Variants in GSDME observed in about 807,000 individuals in gnomAD.
GSDME encodes gasdermin E.
A neutral mutation model predicts 47.5 loss-of-function variants in GSDME; 44 were observed. The observed-to-expected ratio is 0.93, with a 90% CI of 0.73 to 1.19. GSDME has a LOEUF of 1.19. GSDME is among the 50% of genes most tolerant of loss of function. GSDME has a pLI of 0.00. For missense variants in GSDME, 663 were observed against 604.2 expected, an observed-to-expected ratio of 1.10 and a Z score of -1.02; for synonymous variants, 258 against 252.8, an observed-to-expected ratio of 1.02 and a Z score of -0.20.
intron 3 of GSDME, among the ~76,000 whole-genome samples, chr7:24,743,546 C>T (rs1790553976): frequency 6.6e-6 from 1 of 152,166 alleles, no homozygotes; most frequent in South Asian, 2.1e-4. Flanking sequence ...CAGATTACGC[C>T]CCTTCCCTGC....
At position 24,719,155 on chromosome 7, in the gene GSDME, G is replaced by C. The variant is rs143907715; in HGVS notation, c.468C>G (p.Cys156Trp). ...QVLEGRNEVL[C>W]VLTQKITTMQ... ...TCGTCGTGATCTTCTGTGTCAAAAC[G>C]CACAGGACCTCATTCCTTCCTTCCA... Residue 156 changes from cysteine (C) to tryptophan (W), a missense_variant, in exon 4 of 10, where the codon TGC (cysteine) becomes TGG (tryptophan). Physicochemically the swap from Cys to Trp is radical, Grantham distance 215. Coordinates refer to ENST00000645220, the MANE Select transcript of GSDME (RefSeq NM_001127453.2). 7 of 1,613,792 alleles carry C rather than the reference G, an allele frequency of 4.3e-6. No individual in the cohort carries two copies. Among genetic ancestry groups the C allele is most frequent in the Non-Finnish European group, 5.1e-6 (6 of 1,180,020 alleles).
In GSDME at chr7:24,735,503, T is replaced by TC; in HGVS notation, c.404+9058dup. On this transcript the variant is annotated intron_variant, in intron 3 of 9. Coordinates refer to ENST00000645220, the MANE Select transcript of GSDME (RefSeq NM_001127453.2). This position sits in a 1 kb window ranked among gnomAD's most constrained non-coding sequence, Gnocchi z 4.4. ...CGGGCACAGTGGCTCACGCCTGTAA[T>TC]CCCAGCAGTTTGGGAGGCCGAGGTG... 6.6e-6 allele frequency among the ~76,000 whole-genome samples: 1 copy of TC among 152,208 alleles called. No homozygotes were observed. The highest frequency in any genetic ancestry group is 1.5e-5 in the Non-Finnish European group (1 of 68,012).
Position 24,725,485 on chromosome 7 carries a change from G to A in GSDME, c.405-6267C>T, listed in dbSNP as rs566974684. Among the ~76,000 whole-genome samples the A allele has an allele frequency of 2.6e-5, 4 of 152,144 alleles. No homozygotes were observed. The highest frequency in any genetic ancestry group is 4.4e-5 in the Non-Finnish European group (3 of 68,024). ...AGTTAAACAAGGAAGGGGTTTATTC[G>A]GCCGGGAGCGTCGGCAAGACTCCTG... On this transcript the variant is annotated intron_variant, in intron 3 of 9. Coordinates refer to ENST00000645220, the MANE Select transcript of GSDME (RefSeq NM_001127453.2). This position sits in a 1 kb window ranked among gnomAD's most constrained non-coding sequence, Gnocchi z 5.1.
At chr7:24,772,215 T>C in the GSDME span, among the ~76,000 whole-genome samples, 7 of 152,300 alleles carry the variant, frequency 4.6e-5, no homozygotes, top group South Asian at 2.1e-4. The surrounding 1 kb of genome is among the most constrained non-coding windows in gnomAD (Gnocchi z 4.5). Flanking sequence ...GTGCCTTCCA[T>C]AGGGGCTGAA....
In GSDME at chr7:24,744,657, C is replaced by CA. The variant is rs1407705000; in HGVS notation, c.308dup (p.Ser106GlnfsTer48). 2 of 1,614,196 alleles carry CA rather than the reference C, an allele frequency of 1.2e-6. No homozygotes were observed. The highest frequency in any genetic ancestry group is 1.7e-6 in the Non-Finnish European group (2 of 1,180,046). On this transcript the variant is annotated frameshift_variant, in exon 3 of 10. Coordinates refer to ENST00000645220, the MANE Select transcript of GSDME (RefSeq NM_001127453.2). LOFTEE classifies it high-confidence loss of function. This position sits in a 1 kb window ranked among gnomAD's most constrained non-coding sequence, Gnocchi z 4.5. Reference sequence around the variant, plus strand: ...GGCTCTCTACGCGGCTGCTGCCCCCCAGGTTCAGCTTGACCTTCCCCAGTG... The same window carrying CA: ...GGCTCTCTACGCGGCTGCTGCCCCCCAAGGTTCAGCTTGACCTTCCCCAGTG...
Position 24,744,140 on chromosome 7 carries a change from A to T in GSDME, c.404+422T>A, listed in dbSNP as rs1046220788. The T allele has an allele frequency of 6.6e-5, 15 of 225,910 alleles. No homozygotes were observed. Among genetic ancestry groups the T allele is most frequent in the Non-Finnish European group, 9.7e-5 (11 of 113,406 alleles). The allele number at this position is 225,910 out of a possible 1,614,324, so 14.0% of individuals were successfully genotyped here. A position where few individuals can be genotyped will look rare whatever the true frequency, so the allele number is the denominator to read the frequency against. On this transcript the variant is annotated intron_variant, in intron 3 of 9. Transcript: ENST00000645220. This position sits in a 1 kb window ranked among gnomAD's most constrained non-coding sequence, Gnocchi z 4.5. ...CTTCAAGACTTCAAAGACTGAAAAGAGCTCTTATTTTTGAACTTTTTTACG... is the reference window on the plus strand; with the variant it reads ...CTTCAAGACTTCAAAGACTGAAAAGTGCTCTTATTTTTGAACTTTTTTACG...
chr7:24,729,282 T>G (rs1327823336), intron 3 of GSDME, among the ~76,000 whole-genome samples: 1 of 152,250 alleles, frequency 6.6e-6, no homozygotes. Context: ...AATCATGTGT[T>G]TAGTGAACTT....
rs1178468139 is a variant in GSDME at position 24,699,262 on chromosome 7, G to C, written c.1258-3C>G. The C allele has an allele frequency of 7.5e-6, 12 of 1,593,230 alleles. No homozygotes were observed. The Admixed American group carries it at 8.3e-5, about 11-fold the overall frequency. On this transcript the variant is annotated splice_polypyrimidine_tract_variant and splice_region_variant and intron_variant, in intron 9 of 9. Coordinates refer to ENST00000645220, the MANE Select transcript of GSDME (RefSeq NM_001127453.2). ...CCATCATCAGACAGAGCACGAAGCT[G>C]AAATGACACATTTAAACAAATTCAC...
intron 3 of GSDME, among the ~76,000 whole-genome samples, chr7:24,740,425 A>G (rs982750014): frequency 2.6e-5 from 4 of 151,986 alleles, no homozygotes; most frequent in African/African-American, 9.7e-5. Context: ...TGATAGCATA[A>G]CTTTAGGACA....
Position 24,733,695 on chromosome 7 carries a change from G to T in GSDME, c.404+10867C>A, listed in dbSNP as rs1271674727. 6.6e-6 allele frequency among the ~76,000 whole-genome samples: 1 copy of T among 152,140 alleles called. No individual in the cohort carries two copies. ...GGACATGGGTGAGAGTCCTCTGCCTGGGGAAAGGAGAGGGAAGAGTGAAGG... is the reference window on the plus strand; with the variant it reads ...GGACATGGGTGAGAGTCCTCTGCCTTGGGAAAGGAGAGGGAAGAGTGAAGG... On this transcript the variant is annotated intron_variant, in intron 3 of 9. Transcript: ENST00000645220. The surrounding 1 kb of genome is among the most constrained non-coding windows in gnomAD (Gnocchi z 4.3).
rs1049759797 is a variant in GSDME, at chr7:24,712,074, A to G, written c.698-1686T>C. Among the ~76,000 whole-genome samples, 2 of 152,190 alleles carry G rather than the reference A, an allele frequency of 1.3e-5. No individual in the cohort carries two copies. The highest frequency in any genetic ancestry group is 2.9e-5 in the Non-Finnish European group (2 of 68,040). On this transcript the variant is annotated intron_variant, in intron 5 of 9. Transcript: ENST00000645220. This position sits in a 1 kb window ranked among gnomAD's most constrained non-coding sequence, Gnocchi z 4.4. ...GTAGAAGGCATGAGTATTAGCAAAT[A>G]TTTTCATTTGCTTGTGGGCATTAAT...
At chr7:24,743,260 T>C (rs1303205609) in intron 3 of GSDME, among the ~76,000 whole-genome samples, 1 of 152,246 alleles carries the variant, frequency 6.6e-6, no homozygotes, top group East Asian at 1.9e-4. Context: ...TGAGCACTTA[T>C]TTAATATTCC....
At chr7:24,718,556 G>C (rs1343292618) in intron 4 of GSDME, among the ~76,000 whole-genome samples, 3 of 152,326 alleles carry the variant, frequency 2.0e-5, no homozygotes, top group South Asian at 4.1e-4. Context: ...CATTTGGCCT[G>C]ATCAGTGCCT....
chr7:24,701,892 C>CACATT (rs1425018553), intron 9 of GSDME, among the ~76,000 whole-genome samples: 1 of 152,214 alleles, frequency 6.6e-6, no homozygotes, highest in African/African-American at 2.4e-5. Context: ...AGGCACCAAC[C>CACATT]ACATTACTCG....
At position 24,721,556 on chromosome 7, in the gene GSDME, G is replaced by T. The variant is rs941158276; in HGVS notation, c.405-2338C>A. On this transcript the variant is annotated intron_variant, in intron 3 of 9. Coordinates refer to ENST00000645220, the MANE Select transcript of GSDME (RefSeq NM_001127453.2). The surrounding 1 kb of genome is among the most constrained non-coding windows in gnomAD (Gnocchi z 4.1). ...CAGGGCCCCCTCCTCATGGGGTTCC[G>T]TCAGGGTTTAGATGACATGCATGCA... is the stretch of plus-strand genomic sequence containing the variant. 6.6e-6 allele frequency among the ~76,000 whole-genome samples: 1 copy of T among 152,174 alleles called. No homozygotes were observed. Among genetic ancestry groups the T allele is most frequent in the Non-Finnish European group, 1.5e-5 (1 of 68,024 alleles).
At chr7:24,710,409 AC>A in intron 5 of GSDME, 21 bp from the exon 6 acceptor site, 1 of 1,614,042 alleles carries the variant, frequency 6.2e-7, no homozygotes. Flanking sequence ...GGAGAAAAGG[AC>A]AAGTTAGGTA....
At position 24,706,190 on chromosome 7, in the gene GSDME, G is replaced by A. The variant is rs1204053066; in HGVS notation, c.1177C>T (p.Leu393Phe). The A allele has an allele frequency of 6.2e-7, 1 of 1,614,206 alleles. No individual in the cohort carries two copies. Among genetic ancestry groups the A allele is most frequent in the South Asian group, 1.1e-5 (1 of 91,080 alleles). The stretch of plus-strand genomic sequence containing the variant: ...CATTTTCTTTTCTCCTTACCTGCGA[G>A]GGCACTGACCAAGAAGTAGGCTGTC... ...FMTAYFLVSA[L>F]AEMPDSAAAL... Residue 393 changes from leucine (L) to phenylalanine (F), a missense_variant, in exon 8 of 10, where the codon CTC becomes TTC. Coordinates refer to ENST00000645220, the MANE Select transcript of GSDME (RefSeq NM_001127453.2).
At chr7:24,717,499 G>T in intron 4 of GSDME, 125 bp from the exon 5 acceptor site, 1 of 1,447,922 alleles carries the variant, frequency 6.9e-7, no homozygotes, top group South Asian at 1.2e-5. Flanking sequence ...GAACCGAGTG[G>T]AACAGAGGAG....
chr7:24,717,896 C>T (rs1313713833), intron 4 of GSDME, among the ~76,000 whole-genome samples: 1 of 152,186 alleles, frequency 6.6e-6, no homozygotes, highest in East Asian at 1.9e-4. Flanking sequence ...GCCAAGAAGT[C>T]AGGCACCAAG....
Sources: allele counts gnomAD v4.1 joint callset (sites outside exome capture counted in the v4.1 genomes callset), GRCh38; gene constraint gnomAD v4.1.1; non-coding constraint Gnocchi (gnomAD v3.1); transcripts MANE v1.5; gene names NCBI Gene and HGNC (gene_info 2026-07-23, HGNC 2026-07-21).